Variants in ANKS1B observed in about 807,000 individuals in gnomAD.
The protein encoded by ANKS1B is ankyrin repeat and sterile alpha motif domain containing 1B.
In ANKS1B, 36 loss-of-function variants were observed where a neutral mutation model predicts 148.3. That is an observed-to-expected ratio of 0.24 (90% CI 0.19 to 0.32). The LOEUF (loss-of-function observed/expected upper bound fraction) is 0.32, where lower values mean the gene tolerates loss of function less well. Ranked by LOEUF, ANKS1B falls within the 10% of genes least tolerant of loss-of-function variation. ANKS1B has a pLI of 1.00. For synonymous variants in ANKS1B, 542 were observed against 560.8 expected (o/e 0.97, Z 0.47); for missense variants, 1,157 against 1,542.6 (o/e 0.75, Z 4.19).
intron 12 of ANKS1B, among the ~76,000 whole-genome samples, chr12:99,359,546 GTT>G (rs2092317638): frequency 6.6e-6 from 1 of 151,934 alleles, no homozygotes; most frequent in Non-Finnish European, 1.5e-5. Flanking sequence ...TATGAAAATA[GTT>G]TCTTATTGTT....
chr12:99,042,248 G>A (rs2099959522), intron 17 of ANKS1B, among the ~76,000 whole-genome samples: 1 of 152,130 alleles, frequency 6.6e-6, no homozygotes, highest in Non-Finnish European at 1.5e-5. Flanking sequence ...GCCAAGTGTT[G>A]GCAGATGTGA....
At chr12:99,563,058 T>C (rs191870222) in intron 9 of ANKS1B, among the ~76,000 whole-genome samples, 84 of 152,312 alleles carry the variant, frequency 5.5e-4, no homozygotes, top group Middle Eastern at 6.8e-3. Flanking sequence ...CTTCATAAAA[T>C]TGAAGAGAGT....
At chr12:99,109,907 T>G (rs1280119627) in intron 15 of ANKS1B, among the ~76,000 whole-genome samples, 1 of 152,116 alleles carries the variant, frequency 6.6e-6, no homozygotes, top group Admixed American at 6.6e-5. Flanking sequence ...ACATCTTGCT[T>G]TAAGATGAGG....
chr12:98,781,054 A>AT, intron 24 of ANKS1B, 63 bp downstream of exon 24: 2 of 1,059,712 alleles, frequency 1.9e-6, no homozygotes, highest in African/African-American at 1.6e-5. Flanking sequence ...GAAGCAAAGG[A>AT]TTTTAGATCA....
intron 9 of ANKS1B, among the ~76,000 whole-genome samples, chr12:99,642,055 G>C (rs1336661231): frequency 1.3e-5 from 2 of 152,152 alleles, no homozygotes; most frequent in Admixed American, 6.5e-5. Context: ...TACTCAATAA[G>C]TGTTAGATAT....
intron 14 of ANKS1B, among the ~76,000 whole-genome samples, chr12:99,169,508 G>A (rs2077532408): frequency 6.6e-6 from 1 of 152,112 alleles, no homozygotes. Flanking sequence ...TAGCATCAAG[G>A]TGACTGACAT....
chr12:99,386,549 G>A (rs2093866843), intron 12 of ANKS1B, among the ~76,000 whole-genome samples: 1 of 152,074 alleles, frequency 6.6e-6, no homozygotes, highest in South Asian at 2.1e-4. Flanking sequence ...GATCACTCAA[G>A]TTTTTACTGT....
chr12:99,764,145 T>A (rs949243868), intron 8 of ANKS1B, among the ~76,000 whole-genome samples: 1 of 152,174 alleles, frequency 6.6e-6, no homozygotes, highest in Non-Finnish European at 1.5e-5. Context: ...ATCAATTCAA[T>A]AAATGTTTGC....
chr12:99,463,044 T>C (rs1243996466), intron 10 of ANKS1B, among the ~76,000 whole-genome samples: 3 of 152,190 alleles, frequency 2.0e-5, no homozygotes, highest in Non-Finnish European at 2.9e-5. Flanking sequence ...TCTCAGGTAT[T>C]CCTTTACAGC....
intron 19 of ANKS1B, 39 bp from the exon 20 acceptor site, chr12:98,807,957 T>A: frequency 6.6e-7 from 1 of 1,519,190 alleles, no homozygotes. Flanking sequence ...TGTCAATATT[T>A]AAAACATGGC....
chr12:98,743,905 G>A (rs772784631), downstream of ANKS1B: 50 of 764,300 alleles, frequency 6.5e-5, no homozygotes, highest in Non-Finnish European at 7.8e-5. Context: ...ATGCTGAGAA[G>A]GCTGGGCCTT....
chr12:98,957,750 C>T (rs1430209474), intron 17 of ANKS1B, among the ~76,000 whole-genome samples: 1 of 152,086 alleles, frequency 6.6e-6, no homozygotes, highest in Non-Finnish European at 1.5e-5. Context: ...TTACAATTTT[C>T]ACTTAGATTA....
intron 15 of ANKS1B, among the ~76,000 whole-genome samples, chr12:99,114,035 A>G (rs1052326524): frequency 1.3e-5 from 2 of 152,206 alleles, no homozygotes; most frequent in Non-Finnish European, 2.9e-5. Context: ...ACAGCTTTGT[A>G]ATACTTTTGC....
chr12:99,842,968 T>C (rs1716061086), intron 1 of ANKS1B, among the ~76,000 whole-genome samples: 1 of 152,166 alleles, frequency 6.6e-6, no homozygotes, highest in African/African-American at 2.4e-5. Context: ...ATACACAGTA[T>C]ATCACTGTGA....
intron 14 of ANKS1B, among the ~76,000 whole-genome samples, chr12:99,198,822 C>G (rs1319774343): frequency 6.6e-6 from 1 of 152,168 alleles, no homozygotes; most frequent in Non-Finnish European, 1.5e-5. Context: ...TATGTAGTCC[C>G]TCCCAATACT....
At chr12:98,951,008 C>T (rs1311382440) in intron 17 of ANKS1B, among the ~76,000 whole-genome samples, 1 of 151,984 alleles carries the variant, frequency 6.6e-6, no homozygotes, top group Non-Finnish European at 1.5e-5. Flanking sequence ...TTCTGGGGCT[C>T]AATGAATAGG....
chr12:99,594,225 T>C (rs1396564490), intron 9 of ANKS1B, among the ~76,000 whole-genome samples: 2 of 152,058 alleles, frequency 1.3e-5, no homozygotes, highest in African/African-American at 4.8e-5. Flanking sequence ...GTCCTGAGGA[T>C]GAGGAGAAAT....
chr12:99,049,993 G>T (rs2099964929), intron 17 of ANKS1B, among the ~76,000 whole-genome samples: 1 of 152,106 alleles, frequency 6.6e-6, no homozygotes, highest in Non-Finnish European at 1.5e-5. Flanking sequence ...GAGCAATCTG[G>T]TTCCCTTAAA....
chr12:99,122,993 A>ATATATATAT lies in ANKS1B; in HGVS notation c.2526+31295_2526+31296insATATATATA, dbSNP rs57985878. Among the ~76,000 whole-genome samples the ATATATATAT allele has an allele frequency of 2.4e-3, 335 of 138,178 alleles. 1 individual carries two copies. The highest frequency in any genetic ancestry group is 8.8e-3 in the South Asian group (38 of 4,304). The allele number at this position is 138,178 out of a possible 152,430, so 90.7% of individuals were successfully genotyped here. On this transcript the variant is annotated intron_variant, in intron 15 of 26. Coordinates refer to ENST00000683438, the MANE Select transcript of ANKS1B (RefSeq NM_001352186.2). ...TAGAAATAAATCAGTAAAATTAAAA[A>ATATATATAT]AAAAATATATATATATATATAAACA...
Sources: allele counts gnomAD v4.1 joint callset (sites outside exome capture counted in the v4.1 genomes callset), GRCh38; gene constraint gnomAD v4.1.1; transcripts MANE v1.5; gene names NCBI Gene and HGNC (gene_info 2026-07-23, HGNC 2026-07-21).